The following TMEM131 variants were observed in gnomAD, a reference collection of about 807,000 sequenced individuals.
TMEM131 encodes 2610524E03Rik.
A neutral mutation model predicts 211.6 loss-of-function variants in TMEM131; 66 were observed. The observed-to-expected ratio is 0.31, with a 90% confidence interval of 0.26 to 0.38. The LOEUF is 0.38. TMEM131 is among the 10% of genes least tolerant of loss of function. TMEM131 has a pLI of 1.00. For synonymous variants in TMEM131, 844 were observed against 841.3 expected (o/e 1.00, Z -0.06); for missense variants, 2,036 against 2,299.3 (o/e 0.89, Z 2.34).
chr2:97,881,071 G>A (rs542382258), intron 4 of TMEM131, among the ~76,000 whole-genome samples: 1 of 152,252 alleles, frequency 6.6e-6, no homozygotes, highest in Admixed American at 6.5e-5. Context: ...TATGAAAGAC[G>A]CAGGTTCTTT....
intron 11 of TMEM131, among the ~76,000 whole-genome samples, chr2:97,821,185 C>T (rs1199396339): frequency 6.6e-6 from 1 of 152,140 alleles, no homozygotes; most frequent in Admixed American, 6.5e-5. Flanking sequence ...CCAATCAGTG[C>T]TCTGTGTCTA....
chr2:97,776,930 G>A (rs1185642677), intron 31 of TMEM131, among the ~76,000 whole-genome samples: 1 of 152,226 alleles, frequency 6.6e-6, no homozygotes. Context: ...GGTAACTGGT[G>A]CATGAGTACT....
chr2:97,791,780 A>G (rs997157523), intron 31 of TMEM131, among the ~76,000 whole-genome samples: 2 of 152,218 alleles, frequency 1.3e-5, no homozygotes, highest in African/African-American at 2.4e-5. Context: ...TAATTAATAC[A>G]GTAAGCAGAA....
At chr2:97,857,190 A>G (rs184179491) in intron 5 of TMEM131, among the ~76,000 whole-genome samples, 59 of 152,290 alleles carry the variant, frequency 3.9e-4, no homozygotes, top group Non-Finnish European at 7.8e-4. Flanking sequence ...TGGCAGATAC[A>G]TGAAACTTCT....
At chr2:97,763,889 G>T (rs1235441870) in intron 35 of TMEM131, 1 of 152,320 alleles carries the variant, frequency 6.6e-6, no homozygotes, top group East Asian at 1.9e-4. Context: ...AGCCCCTACT[G>T]AACAGTGCTT....
intron 3 of TMEM131, among the ~76,000 whole-genome samples, chr2:97,899,635 GC>G (rs1675765906): frequency 6.6e-6 from 1 of 152,100 alleles, no homozygotes; most frequent in Admixed American, 6.6e-5. Flanking sequence ...ATGAGGGAAT[GC>G]AAGGTGGCAC....
chr2:97,833,365 T>G lies in TMEM131; in HGVS notation c.1074A>C (p.Thr358=). ...LNSGTKDVPI[T]SVRPTPQNDA... ...GGGGAAAAAAGAAGTAAAAACTTACTGTTATTGGTACATCTTTTGTTCCTG... is the reference window on the plus strand; with the variant it reads ...GGGGAAAAAAGAAGTAAAAACTTACGGTTATTGGTACATCTTTTGTTCCTG... The change falls in exon 11 of 41, where the codon ACA becomes ACC. Residue 358 remains threonine (T), a splice_region_variant and synonymous_variant. Transcript: ENST00000186436. 7.9e-7 allele frequency: 1 copy of G among 1,268,004 alleles called. No individual in the cohort carries two copies. Among genetic ancestry groups the G allele is most frequent in the Non-Finnish European group, 1.1e-6 (1 of 899,688 alleles). The allele number at this position is 1,268,004 out of a possible 1,614,324, so 78.5% of individuals were successfully genotyped here. A position where few individuals can be genotyped will look rare whatever the true frequency, so the allele number is the denominator to read the frequency against.
intron 8 of TMEM131, 66 bp from the exon 9 acceptor site, chr2:97,834,991 T>G (rs755969181): frequency 6.4e-7 from 1 of 1,550,492 alleles, no homozygotes; most frequent in Non-Finnish European, 8.8e-7. Context: ...CATTTTTTAT[T>G]GAACTGGATG....
intron 1 of TMEM131, among the ~76,000 whole-genome samples, chr2:97,962,527 C>G (rs1247253631): frequency 6.6e-6 from 1 of 152,036 alleles, no homozygotes; most frequent in African/African-American, 2.4e-5. Flanking sequence ...AATGAAATAC[C>G]ACTAAGTACC....
chr2:97,940,655 A>G (rs924042803), intron 1 of TMEM131, among the ~76,000 whole-genome samples: 1 of 151,972 alleles, frequency 6.6e-6, no homozygotes, highest in Non-Finnish European at 1.5e-5. Context: ...AAAAATACAA[A>G]AACTTAGCCG....
At chr2:97,760,437 C>T in intron 38 of TMEM131, 156 bp downstream of exon 38, 1 of 714,298 alleles carries the variant, frequency 1.4e-6, no homozygotes, top group Non-Finnish European at 2.3e-6. Context: ...TTCCACCCAG[C>T]AGACATGATT....
rs551982180 is a variant in TMEM131 at position 97,871,464 on chromosome 2, T to C, written c.360-12037A>G. Reference sequence around the variant, plus strand: ...AGAGGGGCCTGAGATAACCGGACATTGTCTGGGAGATCATAAGGTTTCTAA... The same window carrying C: ...AGAGGGGCCTGAGATAACCGGACATCGTCTGGGAGATCATAAGGTTTCTAA... On this transcript the variant is annotated intron_variant, in intron 4 of 40. Coordinates refer to ENST00000186436, the MANE Select transcript of TMEM131 (RefSeq NM_015348.2). 2.6e-5 allele frequency among the ~76,000 whole-genome samples: 4 copies of C among 152,324 alleles called. No individual in the cohort carries two copies. The East Asian group carries it at 7.7e-4, about 29-fold the overall frequency.
intron 1 of TMEM131, among the ~76,000 whole-genome samples, chr2:97,961,025 G>A (rs550649772): frequency 1.3e-5 from 2 of 151,924 alleles, no homozygotes; most frequent in African/African-American, 4.8e-5. Flanking sequence ...AACTTCCTCA[G>A]CGATTATGAA....
At chr2:97,826,538 A>G (rs1682391966) in intron 11 of TMEM131, among the ~76,000 whole-genome samples, 1 of 152,110 alleles carries the variant, frequency 6.6e-6, no homozygotes, top group Non-Finnish European at 1.5e-5. Context: ...GCAGGGAAAG[A>G]CCAGCAGAAA....
intron 2 of TMEM131, among the ~76,000 whole-genome samples, chr2:97,914,957 G>GT (rs1676447228): frequency 6.6e-6 from 1 of 152,224 alleles, no homozygotes; most frequent in African/African-American, 2.4e-5. Flanking sequence ...CTGCCAAACT[G>GT]TTTTTTCCAG....
rs375243870 is a variant in TMEM131, at chr2:97,814,396, A to G, written c.1293-8T>C. ...TGATCAAATCCCAAATAACTATTAA[A>G]AAAAACAACAAGAACAAAATAAATC... On this transcript the variant is annotated splice_polypyrimidine_tract_variant and splice_region_variant and intron_variant, in intron 13 of 40. Transcript: ENST00000186436. 148 of 1,580,180 alleles carry G rather than the reference A, an allele frequency of 9.4e-5. No individual in the cohort carries two copies. The highest frequency in any genetic ancestry group is 1.2e-4 in the Non-Finnish European group (143 of 1,165,188).
At chr2:97,980,562 C>A (rs1201274360) in intron 1 of TMEM131, among the ~76,000 whole-genome samples, 1 of 152,156 alleles carries the variant, frequency 6.6e-6, no homozygotes, top group Non-Finnish European at 1.5e-5. Flanking sequence ...ACATTCCACT[C>A]ATATGTACTT....
At chr2:97,821,588 C>G (rs113252179) in intron 11 of TMEM131, among the ~76,000 whole-genome samples, 1 of 152,180 alleles carries the variant, frequency 6.6e-6, no homozygotes, top group African/African-American at 2.4e-5. Flanking sequence ...TCAGCAAGAC[C>G]ACGAACTCAC....
At chr2:97,797,931 G>A (rs1276230880) in intron 25 of TMEM131, among the ~76,000 whole-genome samples, 1 of 152,172 alleles carries the variant, frequency 6.6e-6, no homozygotes, top group East Asian at 1.9e-4. Context: ...GCCTCCTGAT[G>A]CTTCCCGCCA....
Sources: gnomAD v4.1 joint callset for allele counts (sites outside exome capture counted in the v4.1 genomes callset) on GRCh38, gnomAD v4.1.1 for gene constraint, MANE v1.5 for transcripts, NCBI Gene and HGNC (gene_info 2026-07-23, HGNC 2026-07-21) for gene names.